TRAPPC9: variants seen among roughly 807,000 people sequenced by gnomAD.
The protein encoded by TRAPPC9 is trafficking protein particle complex subunit 9.
A neutral mutation model predicts 124.0 loss-of-function variants in TRAPPC9; 83 were observed. That is an observed-to-expected ratio of 0.67 (90% CI 0.56 to 0.80). TRAPPC9 has a LOEUF of 0.80. Among genes scored for constraint, TRAPPC9 ranks in the 30% least tolerant of loss-of-function variants. The probability of loss-of-function intolerance (pLI) is 0.00; values close to 1 mark genes in which losing one functional copy is unlikely to be tolerated. For missense variants in TRAPPC9, 1,302 were observed against 1,508.3 expected (o/e 0.86, Z 2.27); for synonymous variants, 638 against 617.5 (o/e 1.03, Z -0.49).
chr8:139,953,544 A>G (rs1834795739), intron 19 of TRAPPC9, among the ~76,000 whole-genome samples: 1 of 151,550 alleles, frequency 6.6e-6, no homozygotes. Flanking sequence ...TAGAAAAGAC[A>G]TAGAAGACAT....
intron 15 of TRAPPC9, 95 bp downstream of exon 15, chr8:140,275,562 GT>G (rs2131648033): frequency 7.1e-7 from 1 of 1,409,048 alleles, no homozygotes; most frequent in Non-Finnish European, 1.0e-6. Context: ...CCACAAAGAA[GT>G]TTTTAGATTC....
chr8:140,294,297 G>A (rs2131784604), intron 11 of TRAPPC9, among the ~76,000 whole-genome samples: 1 of 152,138 alleles, frequency 6.6e-6, no homozygotes, highest in East Asian at 1.9e-4. Flanking sequence ...CAAGTCAGTG[G>A]CCAGAGCACA....
At chr8:139,946,678 T>TA (rs35575126) in intron 19 of TRAPPC9, among the ~76,000 whole-genome samples, 27,766 of 136,274 alleles carry the variant, frequency 0.2, 2,592 homozygotes, top group Middle Eastern at 0.28. Flanking sequence ...AATTTTCTTC[T>TA]AAAAAAAAAA....
intron 21 of TRAPPC9, among the ~76,000 whole-genome samples, chr8:139,864,522 C>T (rs901734621): frequency 1.3e-5 from 2 of 152,206 alleles, no homozygotes; most frequent in African/African-American, 4.8e-5. Flanking sequence ...TAGGCCTCGT[C>T]CTGTGGATGG....
intron 17 of TRAPPC9, among the ~76,000 whole-genome samples, chr8:140,036,223 TA>T (rs10707510): frequency 0.47 from 67,704 of 145,474 alleles, 16,740 homozygotes; most frequent in Middle Eastern, 0.6. Flanking sequence ...ACGACTTCTT[TA>T]AAAAAAAAAA....
chr8:140,403,661 CT>C (rs112475588), intron 6 of TRAPPC9, among the ~76,000 whole-genome samples: 64,114 of 145,402 alleles, frequency 0.44, 15,256 homozygotes, highest in Middle Eastern at 0.6. Context: ...GAAAAGTATA[CT>C]TTTTTTTTTT....
At chr8:140,135,185 G>A (rs569649451) in intron 17 of TRAPPC9, among the ~76,000 whole-genome samples, 17 of 152,294 alleles carry the variant, frequency 1.1e-4, no homozygotes, top group South Asian at 2.1e-4. Context: ...GGGGGATGTC[G>A]AGAAATTGAA....
intron 21 of TRAPPC9, among the ~76,000 whole-genome samples, chr8:139,824,551 T>C (rs369470453): frequency 3.1e-4 from 47 of 152,262 alleles, no homozygotes; most frequent in East Asian, 1.4e-3. Context: ...TATATTTATG[T>C]TATTTTATTA....
chr8:140,433,238 G>T (rs754755005), intron 4 of TRAPPC9, among the ~76,000 whole-genome samples: 15 of 151,798 alleles, frequency 9.9e-5, no homozygotes, highest in Middle Eastern at 3.4e-3. Flanking sequence ...GTTATAGTGA[G>T]CCGAGATCAT....
At chr8:139,940,514 G>A (rs954599630) in intron 19 of TRAPPC9, among the ~76,000 whole-genome samples, 3 of 152,238 alleles carry the variant, frequency 2.0e-5, no homozygotes, top group Non-Finnish European at 2.9e-5. Flanking sequence ...CATAGCTAGA[G>A]TATATCTGCT....
intron 17 of TRAPPC9, chr8:140,099,926 C>G (rs2060542943): frequency 6.6e-6 from 1 of 151,920 alleles, no homozygotes. Context: ...AGGTCCTCCG[C>G]AGCCTTCCGC....
intron 17 of TRAPPC9, among the ~76,000 whole-genome samples, chr8:140,217,464 A>T (rs928199754): frequency 6.6e-6 from 1 of 152,188 alleles, no homozygotes; most frequent in Non-Finnish European, 1.5e-5. Context: ...CTCTGGCAGG[A>T]TCTAAGCATG....
At chr8:139,738,487 G>A (rs145897567) in intron 21 of TRAPPC9, among the ~76,000 whole-genome samples, 1 of 152,198 alleles carries the variant, frequency 6.6e-6, no homozygotes, top group Admixed American at 6.5e-5. Flanking sequence ...CGTCAGGAGA[G>A]TCCTTACAAG....
chr8:140,292,588 G>A (rs1439567307), intron 11 of TRAPPC9, among the ~76,000 whole-genome samples: 2 of 152,180 alleles, frequency 1.3e-5, no homozygotes, highest in Non-Finnish European at 2.9e-5. Flanking sequence ...TATGACATCT[G>A]ACCCAGAGCT....
intron 21 of TRAPPC9, among the ~76,000 whole-genome samples, chr8:139,757,113 T>C (rs372150749): frequency 3.9e-5 from 2 of 50,710 alleles, no homozygotes; most frequent in Admixed American, 2.4e-4. Context: ...GAGGACAGCA[T>C]GTCGCAGGAG....
intron 19 of TRAPPC9, among the ~76,000 whole-genome samples, chr8:139,940,437 A>G (rs528305262): frequency 1.0e-4 from 16 of 152,386 alleles, no homozygotes; most frequent in Non-Finnish European, 1.6e-4. Context: ...ATAGTGCCAG[A>G]AGGAATGAAA....
intron 17 of TRAPPC9, among the ~76,000 whole-genome samples, chr8:140,076,329 A>C (rs964856692): frequency 1.3e-5 from 2 of 152,174 alleles, no homozygotes; most frequent in African/African-American, 4.8e-5. Flanking sequence ...CTTGCTCGTC[A>C]GTGGGCCTTC....
At chr8:139,845,368 C>T (rs1216479219) in intron 21 of TRAPPC9, among the ~76,000 whole-genome samples, 2 of 152,136 alleles carry the variant, frequency 1.3e-5, no homozygotes, top group Non-Finnish European at 2.9e-5. Flanking sequence ...TAAACATATA[C>T]GGGTTCCATA....
At chr8:140,066,502 G>T (rs948306249) in intron 17 of TRAPPC9, among the ~76,000 whole-genome samples, 6 of 152,212 alleles carry the variant, frequency 3.9e-5, no homozygotes, top group Non-Finnish European at 7.3e-5. Flanking sequence ...GTTGATATGA[G>T]CTGGGGCAAG....
Sources: allele counts gnomAD v4.1 joint callset (sites outside exome capture counted in the v4.1 genomes callset), GRCh38; gene constraint gnomAD v4.1.1; transcripts MANE v1.5; gene names NCBI Gene and HGNC (gene_info 2026-07-23, HGNC 2026-07-21).